DDB1: variants seen among roughly 807,000 people sequenced by gnomAD.
The protein encoded by DDB1 is damage specific DNA binding protein 1, also known as DNA damage-binding protein 1.
Under a neutral mutation model 133.1 loss-of-function variants are expected in DDB1, and 18 were observed. That is an observed-to-expected ratio of 0.14 (90% confidence interval 0.09 to 0.20). DDB1 has a LOEUF of 0.20. Among genes scored for constraint, DDB1 ranks in the 10% least tolerant of loss-of-function variants. The probability of loss-of-function intolerance (pLI) is 1.00; values close to 1 mark genes in which losing one functional copy is unlikely to be tolerated. For missense variants in DDB1, 828 were observed against 1,459.2 expected (o/e 0.57, Z 7.05); for synonymous variants, 580 against 550.5 (o/e 1.05, Z -0.75).
At chr11:61,309,117 A>C in intron 20 of DDB1, 40 bp from the exon 21 acceptor site, 1 of 1,580,334 alleles carries the variant, frequency 6.3e-7, no homozygotes. Context: ...CTATGAGCCC[A>C]CACTTTACCT....
rs756300337 is a variant in DDB1, at chr11:61,311,801, G to T, written c.2260C>A (p.Pro754Thr). The change falls in exon 18 of 27, where the codon CCC becomes ACC. Residue 754 changes from proline (P) to threonine (T), a missense_variant. By Grantham distance (38) the Pro-to-Thr change is conservative (BLOSUM62 -1). Transcript: ENST00000301764. ...GCCCTTACCTGGGTGCTAGCGCTGGGCCTCAAGGCTGTCGTGCCCCCACTC... is the reference window on the plus strand; with the variant it reads ...GCCCTTACCTGGGTGCTAGCGCTGGTCCTCAAGGCTGTCGTGCCCCCACTC... ...DTSGGTTALR[P>T]SASTQALSSS... 1.2e-6 allele frequency: 2 copies of T among 1,613,296 alleles called. No homozygotes were observed. Among genetic ancestry groups the T allele is most frequent in the Admixed American group, 1.7e-5 (1 of 59,738 alleles).
chr11:61,310,395 G>A lies in DDB1; in HGVS notation c.2301C>T (p.Ser767=), dbSNP rs758833977. The A allele has an allele frequency of 1.2e-6, 2 of 1,612,490 alleles. No individual in the cohort carries two copies. Among genetic ancestry groups the A allele is most frequent in the Non-Finnish European group, 8.5e-7 (1 of 1,179,282 alleles). ...CAGTGCTGCTGGAGAACAGCTTGCT[G>A]GAGCTTACACTGCTGGACAGAGCCT... The part of the protein sequence containing the change: ...STQALSSSVS[S]SKLFSSSTAP... The change falls in exon 19 of 27, where the codon TCC becomes TCT. Residue 767 remains serine, a synonymous_variant. Transcript: ENST00000301764.
At chr11:61,312,811 C>A (rs1234994455) in intron 16 of DDB1, among the ~76,000 whole-genome samples, 1 of 151,966 alleles carries the variant, frequency 6.6e-6, no homozygotes, top group Non-Finnish European at 1.5e-5. Context: ...GTCGGCCAGA[C>A]TGGTCTCGAG....
chr11:61,320,747 T>G (rs1856164913), intron 10 of DDB1, among the ~76,000 whole-genome samples: 1 of 152,202 alleles, frequency 6.6e-6, no homozygotes. Context: ...TGGTTTTGTT[T>G]TATGATTTAA....
chr11:61,331,706 C>T lies in DDB1; in HGVS notation c.62-15G>A, dbSNP rs1293905814. The stretch of plus-strand genomic sequence containing the variant: ...AGTAAAGTGTCCTGAAAGAACAGAC[C>T]CTCTAACTTTTGAACTCAGGGGAAG... On this transcript the variant is annotated splice_polypyrimidine_tract_variant and intron_variant, in intron 1 of 26. Transcript: ENST00000301764. 1 of 1,613,390 alleles carries T rather than the reference C, an allele frequency of 6.2e-7. No homozygotes were observed. The highest frequency in any genetic ancestry group is 8.5e-7 in the Non-Finnish European group (1 of 1,179,578).
At position 61,308,931 on chromosome 11, in the gene DDB1, T is replaced by G. The variant is rs377583753; in HGVS notation, c.2661+52A>C. ...CAGACAACCTAAGAGAGACACATTC[T>G]GCAGACAATGATGGGCAGCCTAAAG... On this transcript the variant is annotated intron_variant, in intron 21 of 26. Coordinates refer to ENST00000301764, the MANE Select transcript of DDB1 (RefSeq NM_001923.5). The G allele has an allele frequency of 3.2e-6, 5 of 1,565,720 alleles. No homozygotes were observed. In the African/African-American group the frequency reaches 6.8e-5, roughly 21 times the overall value.
At chr11:61,325,948 T>C (rs1016766708) in intron 5 of DDB1, 4 of 583,730 alleles carry the variant, frequency 6.9e-6, no homozygotes, top group Non-Finnish European at 1.2e-5. Context: ...ACTATTCCTA[T>C]GGGTGGGGAG....
At chr11:61,319,734 A>G (rs1185550678) in intron 10 of DDB1, among the ~76,000 whole-genome samples, 1 of 152,008 alleles carries the variant, frequency 6.6e-6, no homozygotes, top group Non-Finnish European at 1.5e-5. Flanking sequence ...CCGGCCTCTC[A>G]TTGCTCTTTT....
rs1258366773 is a variant in DDB1 at position 61,325,593 on chromosome 11, A to G, written c.762+18T>C. On this transcript the variant is annotated intron_variant, in intron 6 of 26. Transcript: ENST00000301764. ...GGAAAGAAAAGATGAAAGGAAAAAA[A>G]GGTAGGACTGCGCTCACCTTGATGA... 2 of 1,604,840 alleles carry G rather than the reference A, an allele frequency of 1.2e-6. No homozygotes were observed. The highest frequency in any genetic ancestry group is 2.7e-5 in the African/African-American group (2 of 74,760).
At chr11:61,329,656 T>A in intron 3 of DDB1, 72 bp from the exon 4 acceptor site, 1 of 1,432,524 alleles carries the variant, frequency 7.0e-7, no homozygotes, top group South Asian at 1.3e-5. Flanking sequence ...GGGCACCACT[T>A]GTGCAGAAAA....
intron 18 of DDB1, chr11:61,311,314 A>AAC (rs1565240897): frequency 0.011 from 1,587 of 144,522 alleles, 33 homozygotes; most frequent in African/African-American, 0.043. Context: ...AACATAACAT[A>AAC]ACATAACACA....
At chr11:61,311,489 C>T (rs1172739160) in intron 18 of DDB1, 2 of 318,186 alleles carry the variant, frequency 6.3e-6, no homozygotes, top group Admixed American at 5.0e-5. Context: ...TTCTGTCGGA[C>T]TCCAAACCCC....
Position 61,309,974 on chromosome 11 carries a change from A to G in DDB1, c.2402-14T>C. ...GGGCATGAAGCACTAGAGAGTAGAG[A>G]GATGACTACGTGATGACAGGTTACC... On this transcript the variant is annotated splice_polypyrimidine_tract_variant and intron_variant, in intron 19 of 26. Transcript: ENST00000301764. 6.2e-7 allele frequency: 1 copy of G among 1,614,192 alleles called. No homozygotes were observed. The highest frequency in any genetic ancestry group is 1.1e-5 in the South Asian group (1 of 91,086).
rs747430195 is a variant in DDB1, at chr11:61,326,856, G to C, written c.587C>G (p.Ser196Cys). 6.2e-7 allele frequency: 1 copy of C among 1,614,114 alleles called. No individual in the cohort carries two copies. Among genetic ancestry groups the C allele is most frequent in the Non-Finnish European group, 8.5e-7 (1 of 1,180,020 alleles). The part of the protein sequence containing the change: ...QGRHVKTYEV[S>C]LREKEFNKGP... ...CTTATTGAATTCCTTTTCTCGGAGA[G>C]ACACCTCATAGGTTTTTACGTGCCG... Residue 196 changes from serine (S) to cysteine (C), a missense_variant, in exon 5 of 27, where the codon TCT becomes TGT. By Grantham distance (112) the Ser-to-Cys change is moderately radical. Coordinates refer to ENST00000301764, the MANE Select transcript of DDB1 (RefSeq NM_001923.5).
Position 61,311,874 on chromosome 11 carries a change from C to T in DDB1, c.2187G>A (p.Val729=). 1.2e-6 allele frequency: 2 copies of T among 1,614,190 alleles called. No homozygotes were observed. The highest frequency in any genetic ancestry group is 1.7e-6 in the Non-Finnish European group (2 of 1,180,030). ...TGGAGAGGACCCCGAAACACTGGGA[C>T]ACTTCCTGGTAGCAGATCTTCCTGC... ...ESPRKICYQE[V]SQCFGVLSSR... Residue 729 remains valine, a synonymous_variant, in exon 18 of 27, where the codon GTG becomes GTA. Coordinates refer to ENST00000301764, the MANE Select transcript of DDB1 (RefSeq NM_001923.5).
rs750146956 is a variant in DDB1 at position 61,309,776 on chromosome 11, T to A, written c.2566+20A>T. 2 of 1,604,578 alleles carry A rather than the reference T, an allele frequency of 1.2e-6. No homozygotes were observed. Among genetic ancestry groups the A allele is most frequent in the Non-Finnish European group, 1.7e-6 (2 of 1,174,240 alleles). On this transcript the variant is annotated intron_variant, in intron 20 of 26. Coordinates refer to ENST00000301764, the MANE Select transcript of DDB1 (RefSeq NM_001923.5). ...TCAGCATTTCACATCCCTCAGAAAC[T>A]GGAGACTGCGCCCACTTACCATCCG...
chr11:61,304,870 T>G (rs1590679872), intron 21 of DDB1, among the ~76,000 whole-genome samples: 1 of 140,518 alleles, frequency 7.1e-6, no homozygotes, highest in Non-Finnish European at 1.5e-5. Flanking sequence ...AGAGTGAGAC[T>G]CCGCCTAAAA....
chr11:61,324,655 T>C (rs1856240334), intron 6 of DDB1, among the ~76,000 whole-genome samples: 1 of 152,190 alleles, frequency 6.6e-6, no homozygotes. Flanking sequence ...AAGTGGCTAG[T>C]ACTACAGGAA....
At chr11:61,318,849 C>T (rs2134922038) in intron 10 of DDB1, among the ~76,000 whole-genome samples, 1 of 152,248 alleles carries the variant, frequency 6.6e-6, no homozygotes, top group South Asian at 2.1e-4. Context: ...CAGTATGAAC[C>T]CAAACTTGTC....
Sources: gnomAD v4.1 joint callset for allele counts (sites outside exome capture counted in the v4.1 genomes callset) on GRCh38, gnomAD v4.1.1 for gene constraint, MANE v1.5 for transcripts, NCBI Gene and HGNC (gene_info 2026-07-23, HGNC 2026-07-21) for gene names.